Variants in CSMD1 observed in about 807,000 individuals in gnomAD.
CSMD1 encodes CUB and Sushi multiple domains 1, also known as CUB and sushi domain-containing protein 1.
CSMD1 carries 213 observed loss-of-function variants against 417.5 expected under a neutral mutation model. That is an observed-to-expected ratio of 0.51 (90% CI 0.46 to 0.57). The LOEUF (loss-of-function observed/expected upper bound fraction) is 0.57. Ranked by LOEUF, CSMD1 falls within the 20% of genes least tolerant of loss-of-function variation. The probability of loss-of-function intolerance (pLI) is 0.00; values close to 1 mark genes in which losing one functional copy is unlikely to be tolerated. For missense variants in CSMD1, 6,923 were observed against 4,529.7 expected (o/e 1.53, Z -15.17); for synonymous variants, 2,862 against 1,736.8 (o/e 1.65, Z -16.11).
intron 1 of CSMD1, among the ~76,000 whole-genome samples, chr8:4,802,025 C>T (rs570629967): frequency 6.6e-6 from 1 of 152,098 alleles, no homozygotes. Flanking sequence ...TGTAGACAGA[C>T]CATTTGCAAA....
At chr8:4,318,429 T>C (rs1189595329) in intron 3 of CSMD1, among the ~76,000 whole-genome samples, 1 of 152,100 alleles carries the variant, frequency 6.6e-6, no homozygotes, top group Non-Finnish European at 1.5e-5. Context: ...GAAAGAGTAA[T>C]ATTGTGAAAA....
chr8:4,128,081 G>A (rs987366569), intron 3 of CSMD1, among the ~76,000 whole-genome samples: 2 of 152,102 alleles, frequency 1.3e-5, no homozygotes, highest in African/African-American at 4.8e-5. Context: ...CCTCAAAATG[G>A]TTCCTCAACA....
chr8:4,585,836 C>T (rs1044203957), intron 2 of CSMD1, among the ~76,000 whole-genome samples: 3 of 151,514 alleles, frequency 2.0e-5, no homozygotes, highest in Non-Finnish European at 4.4e-5. Context: ...CTTTTCAGGT[C>T]GAATAAAAAT....
chr8:4,268,469 G>C (rs1249933885), intron 3 of CSMD1, among the ~76,000 whole-genome samples: 3 of 152,078 alleles, frequency 2.0e-5, no homozygotes, highest in Non-Finnish European at 4.4e-5. Context: ...AGGTAGTATC[G>C]CTGCTTACGT....
chr8:3,113,058 G>T lies in CSMD1; in HGVS notation c.6431-2723C>A, dbSNP rs566046288. On this transcript the variant is annotated intron_variant, in intron 42 of 69. Coordinates refer to ENST00000635120, the MANE Select transcript of CSMD1 (RefSeq NM_033225.6). ...CTGAGCTCCGCAGAGACGGGGGCCT[G>T]TGATCTGCCACTGCAGGAAGTGTGC... 6 of 152,340 alleles carry T rather than the reference G, an allele frequency of 3.9e-5. No individual in the cohort carries two copies. In the East Asian group the frequency reaches 1.2e-3, roughly 30 times the overall value. The allele number at this position is 152,340 out of a possible 1,614,324, so 9.4% of individuals were successfully genotyped here. A position where few individuals can be genotyped will look rare whatever the true frequency, so the allele number is the denominator to read the frequency against.
At chr8:4,045,355 G>T (rs895157024) in intron 3 of CSMD1, among the ~76,000 whole-genome samples, 1 of 152,122 alleles carries the variant, frequency 6.6e-6, no homozygotes, top group East Asian at 1.9e-4. Context: ...ATGAGCAGAC[G>T]AACGGTTTCA....
At chr8:4,850,637 C>G (rs965201700) in intron 1 of CSMD1, among the ~76,000 whole-genome samples, 1 of 152,078 alleles carries the variant, frequency 6.6e-6, no homozygotes. Context: ...CTCTATGACT[C>G]TTCCATCAGA....
At chr8:4,299,790 C>A (rs893862025) in intron 3 of CSMD1, among the ~76,000 whole-genome samples, 3 of 151,898 alleles carry the variant, frequency 2.0e-5, no homozygotes, top group African/African-American at 7.3e-5. Context: ...GCCACCACGC[C>A]CGCCTAATTT....
intron 1 of CSMD1, among the ~76,000 whole-genome samples, chr8:4,724,005 AT>A (rs1310870308): frequency 2.0e-5 from 3 of 152,068 alleles, no homozygotes; most frequent in African/African-American, 7.2e-5. Context: ...TAAAAATATG[AT>A]GCTCTGTCAT....
intron 23 of CSMD1, among the ~76,000 whole-genome samples, chr8:3,337,353 C>G (rs763808106): frequency 1.3e-5 from 2 of 152,154 alleles, no homozygotes; most frequent in African/African-American, 4.8e-5. Flanking sequence ...TATGAAGCAT[C>G]CCTTAGAAGC....
At chr8:4,840,242 A>G (rs914372427) in intron 1 of CSMD1, among the ~76,000 whole-genome samples, 5 of 42,760 alleles carry the variant, frequency 1.2e-4, no homozygotes, top group South Asian at 9.1e-4. Flanking sequence ...TCACATCGCC[A>G]GCTGATAGCC....
intron 10 of CSMD1, among the ~76,000 whole-genome samples, chr8:3,544,007 T>A (rs888237655): frequency 3.3e-5 from 5 of 151,602 alleles, no homozygotes; most frequent in Admixed American, 6.6e-5. Flanking sequence ...AGAAGCAGAG[T>A]CTAAGTAGGT....
chr8:3,994,456 A>G (rs904964349), intron 5 of CSMD1, among the ~76,000 whole-genome samples: 15 of 150,120 alleles, frequency 1.0e-4, no homozygotes, highest in African/African-American at 3.0e-4. Context: ...AGAAAAAAAA[A>G]AAAAAAAAAA....
chr8:4,561,697 G>A (rs1798339824), intron 2 of CSMD1, among the ~76,000 whole-genome samples: 1 of 152,116 alleles, frequency 6.6e-6, no homozygotes, highest in Non-Finnish European at 1.5e-5. Context: ...GAAAAAAAGA[G>A]AGACAGAGAG....
At chr8:4,875,938 C>G (rs1803013875) in intron 1 of CSMD1, among the ~76,000 whole-genome samples, 1 of 151,956 alleles carries the variant, frequency 6.6e-6, no homozygotes, top group Non-Finnish European at 1.5e-5. Flanking sequence ...AAAGAATTTT[C>G]TTCATTAATA....
At chr8:4,643,965 G>A (rs1295158886) in intron 1 of CSMD1, among the ~76,000 whole-genome samples, 1 of 152,272 alleles carries the variant, frequency 6.6e-6, no homozygotes, top group South Asian at 2.1e-4. Flanking sequence ...CTGGCTCAGC[G>A]CCCTAGGGTA....
intron 10 of CSMD1, among the ~76,000 whole-genome samples, chr8:3,507,049 C>G (rs1229236574): frequency 6.6e-6 from 1 of 151,970 alleles, no homozygotes; most frequent in Non-Finnish European, 1.5e-5. Flanking sequence ...TACCAAGTGC[C>G]TAACATAGAG....
chr8:4,056,544 T>C (rs892096211), intron 3 of CSMD1, among the ~76,000 whole-genome samples: 1 of 144,086 alleles, frequency 6.9e-6, no homozygotes, highest in African/African-American at 2.9e-5. Context: ...TTATTATTAT[T>C]ATTATTATAG....
In CSMD1 at chr8:4,000,815, A is replaced by G. The variant is rs527944558; in HGVS notation, c.611-2705T>C. Among the ~76,000 whole-genome samples the G allele has an allele frequency of 2.0e-4, 31 of 152,138 alleles. 1 individual carries two copies. The East Asian group carries it at 5.4e-3, about 27-fold the overall frequency. The stretch of plus-strand genomic sequence containing the variant: ...ATACTACAAAAGTTATGGCATCTCA[A>G]TGTAAACACAGATGCAGAAGAAAAG... On this transcript the variant is annotated intron_variant, in intron 4 of 69. Coordinates refer to ENST00000635120, the MANE Select transcript of CSMD1 (RefSeq NM_033225.6).
Sources: allele counts gnomAD v4.1 joint callset (sites outside exome capture counted in the v4.1 genomes callset), GRCh38; gene constraint gnomAD v4.1.1; transcripts MANE v1.5; gene names NCBI Gene and HGNC (gene_info 2026-07-23, HGNC 2026-07-21).